Variants in FAR2 observed in about 807,000 individuals in gnomAD.
FAR2 encodes epididymis secretory protein Li 81.
Under a neutral mutation model 56.0 loss-of-function variants are expected in FAR2, and 19 were observed. The ratio of observed to expected loss-of-function variants is 0.34; its 90% CI spans 0.24 to 0.50. FAR2 has a LOEUF of 0.50. FAR2 is among the 20% of genes least tolerant of loss of function. The probability of loss-of-function intolerance (pLI) is 0.98; values close to 1 mark genes in which losing one functional copy is unlikely to be tolerated. For synonymous variants in FAR2, 219 were observed against 218.8 expected, an observed-to-expected ratio of 1.00 and a Z score of -0.01; for missense variants, 508 against 642.2, an observed-to-expected ratio of 0.79 and a Z score of 2.26.
chr12:29,191,332 CT>C (rs1198859196), intron 1 of FAR2, among the ~76,000 whole-genome samples: 2 of 152,222 alleles, frequency 1.3e-5, no homozygotes, highest in Admixed American at 1.3e-4. Flanking sequence ...GTAAAACAGC[CT>C]TTCAATATGC....
chr12:29,214,847 A>G (rs577880022), intron 1 of FAR2, among the ~76,000 whole-genome samples: 5 of 151,658 alleles, frequency 3.3e-5, no homozygotes, highest in Non-Finnish European at 7.4e-5. Flanking sequence ...AATAATAATA[A>G]TAATTAAAAA....
intron 1 of FAR2, among the ~76,000 whole-genome samples, chr12:29,158,854 G>A (rs944900122): frequency 3.9e-5 from 6 of 152,228 alleles, no homozygotes; most frequent in South Asian, 2.1e-4. Flanking sequence ...TCCTGAAGAC[G>A]TAAAGTGGCT....
rs1293581418 is a variant in FAR2, at chr12:29,270,517, G to A, written c.68G>A (p.Gly23Asp). 2.5e-6 allele frequency: 4 copies of A among 1,613,152 alleles called. No individual in the cohort carries two copies. Among genetic ancestry groups the A allele is most frequent in the Non-Finnish European group, 3.4e-6 (4 of 1,179,290 alleles). Residue 23 changes from glycine to aspartate, a missense_variant, in exon 2 of 12, where the codon GGC becomes GAC. Coordinates refer to ENST00000536681, the MANE Select transcript of FAR2 (RefSeq NM_001271783.2). ...ATCACGGGGGCCACAGGCTTTCTGG[G>A]CAAAGTGCTGATGGAGAAGCTGTTT... is the stretch of plus-strand genomic sequence containing the variant. Reference protein sequence around the residue: ...ILITGATGFLGKVLMEKLFRT... With the variant: ...ILITGATGFLDKVLMEKLFRT...
intron 2 of FAR2, among the ~76,000 whole-genome samples, chr12:29,283,554 T>G (rs1333498787): frequency 6.6e-6 from 1 of 152,194 alleles, no homozygotes; most frequent in Non-Finnish European, 1.5e-5. Flanking sequence ...CAAGTATAAG[T>G]TCAGTTCATT....
At chr12:29,173,564 T>C (rs1949908025) in intron 1 of FAR2, among the ~76,000 whole-genome samples, 1 of 152,178 alleles carries the variant, frequency 6.6e-6, no homozygotes, top group South Asian at 2.1e-4. Context: ...GTGACCATTT[T>C]TCTCCATCAG....
At chr12:29,185,643 T>C (rs1390197672) in intron 1 of FAR2, among the ~76,000 whole-genome samples, 1 of 152,156 alleles carries the variant, frequency 6.6e-6, no homozygotes, top group Non-Finnish European at 1.5e-5. Context: ...ATCATAAAAA[T>C]TCAGCAGTGG....
intron 2 of FAR2, among the ~76,000 whole-genome samples, chr12:29,290,591 AAGCCACCT>A (rs1948949249): frequency 6.6e-6 from 1 of 152,244 alleles, no homozygotes; most frequent in South Asian, 2.1e-4. Context: ...TAAGATTTGG[AAGCCACCT>A]AAGTGTCCAT....
chr12:29,173,046 C>T (rs1307912451), intron 1 of FAR2, among the ~76,000 whole-genome samples: 1 of 152,214 alleles, frequency 6.6e-6, no homozygotes, highest in African/African-American at 2.4e-5. Context: ...ATTCTTTTAA[C>T]TAAAGGCCAG....
chr12:29,190,510 G>A (rs1038699571), intron 1 of FAR2, among the ~76,000 whole-genome samples: 3 of 152,010 alleles, frequency 2.0e-5, no homozygotes, highest in Non-Finnish European at 2.9e-5. Flanking sequence ...TGTTGCCCAT[G>A]CTGGAGTGCA....
chr12:29,324,592 A>G (rs1479448405), intron 10 of FAR2, among the ~76,000 whole-genome samples: 1 of 152,236 alleles, frequency 6.6e-6, no homozygotes, highest in African/African-American at 2.4e-5. Context: ...GGGGGCCGAC[A>G]TTCAACATTC....
intron 4 of FAR2, among the ~76,000 whole-genome samples, chr12:29,306,407 G>C (rs1028749505): frequency 6.6e-6 from 1 of 152,162 alleles, no homozygotes; most frequent in Non-Finnish European, 1.5e-5. Context: ...ATTGAAAGTT[G>C]TGATTCTGAA....
chr12:29,284,084 T>A (rs986121276), intron 2 of FAR2, among the ~76,000 whole-genome samples: 7 of 152,226 alleles, frequency 4.6e-5, no homozygotes. Flanking sequence ...TTGCTAATAA[T>A]CTACTCTCAA....
chr12:29,192,278 T>C (rs1027215733), intron 1 of FAR2, among the ~76,000 whole-genome samples: 1 of 152,240 alleles, frequency 6.6e-6, no homozygotes, highest in African/African-American at 2.4e-5. Context: ...ATTTGATTTA[T>C]GCACATTTTA....
rs1336920429 is a variant in FAR2 at position 29,262,774 on chromosome 12, T to C, written c.-38-7638T>C. On this transcript the variant is annotated intron_variant, in intron 1 of 11. Transcript: ENST00000536681. ...AACAACCAGAAACTAAATAACAAAATGGCAGAGGGAAGTCATTACTTATCA... is the reference window on the plus strand; with the variant it reads ...AACAACCAGAAACTAAATAACAAAACGGCAGAGGGAAGTCATTACTTATCA... Among the ~76,000 whole-genome samples the C allele has an allele frequency of 2.6e-5, 4 of 151,992 alleles. No homozygotes were observed. In the East Asian group the frequency reaches 7.7e-4, roughly 29 times the overall value.
chr12:29,186,129 T>A (rs558285515), intron 1 of FAR2, among the ~76,000 whole-genome samples: 1 of 152,350 alleles, frequency 6.6e-6, no homozygotes, highest in Admixed American at 6.5e-5. Context: ...TAAACCTTTA[T>A]CATTTCAATA....
intron 1 of FAR2, among the ~76,000 whole-genome samples, chr12:29,251,612 T>A (rs182685758): frequency 6.6e-6 from 1 of 152,170 alleles, no homozygotes; most frequent in African/African-American, 2.4e-5. Context: ...AAAGATATCC[T>A]GAGCAACTGG....
intron 8 of FAR2, 29 bp from the exon 9 acceptor site, chr12:29,316,812 C>T (rs1300242717): frequency 1.9e-6 from 3 of 1,610,956 alleles, no homozygotes; most frequent in African/African-American, 1.3e-5. Context: ...TCCTTTTCTC[C>T]TCTAGCACTT....
chr12:29,206,126 A>G (rs1262282228), intron 1 of FAR2, among the ~76,000 whole-genome samples: 3 of 152,216 alleles, frequency 2.0e-5, no homozygotes, highest in Non-Finnish European at 2.9e-5. Flanking sequence ...TTGTTTCCCA[A>G]GGGAATGGAT....
At chr12:29,320,606 A>G (rs1949534607) in intron 9 of FAR2, among the ~76,000 whole-genome samples, 1 of 152,222 alleles carries the variant, frequency 6.6e-6, no homozygotes, top group South Asian at 2.1e-4. Context: ...AGACTGGTTA[A>G]CTACAAATCA....
Sources: gnomAD v4.1 joint callset for allele counts (sites outside exome capture counted in the v4.1 genomes callset) on GRCh38, gnomAD v4.1.1 for gene constraint, MANE v1.5 for transcripts, NCBI Gene and HGNC (gene_info 2026-07-23, HGNC 2026-07-21) for gene names.